Variants in CSGALNACT1 observed in about 807,000 individuals in gnomAD.
CSGALNACT1 encodes chondroitin sulfate N-acetylgalactosaminyltransferase 1, also known as beta4GalNAcT-1.
CSGALNACT1 carries 52 observed loss-of-function variants against 51.0 expected under a neutral mutation model. The ratio of observed to expected loss-of-function variants is 1.02; its 90% CI spans 0.82 to 1.29. The LOEUF (loss-of-function observed/expected upper bound fraction) is 1.29. Ranked by LOEUF, CSGALNACT1 falls within the 50% of genes most tolerant of loss-of-function variation. The pLI is 0.00. For synonymous variants in CSGALNACT1, 341 were observed against 254.4 expected, an observed-to-expected ratio of 1.34 and a Z score of -3.24; for missense variants, 935 against 679.2, an observed-to-expected ratio of 1.38 and a Z score of -4.19.
At chr8:19,452,010 T>C (rs1214195262) in intron 5 of CSGALNACT1, among the ~76,000 whole-genome samples, 1 of 152,172 alleles carries the variant, frequency 6.6e-6, no homozygotes, top group Non-Finnish European at 1.5e-5. Context: ...TAATCTGAAA[T>C]AGCAATCATT....
intron 3 of CSGALNACT1, among the ~76,000 whole-genome samples, chr8:19,515,555 A>C (rs1247975269): frequency 6.6e-6 from 1 of 152,186 alleles, no homozygotes. Flanking sequence ...GTAAATCAAA[A>C]AAATAAATAA....
At chr8:19,718,079 A>G (rs2062914600) in intron 1 of CSGALNACT1, among the ~76,000 whole-genome samples, 1 of 152,054 alleles carries the variant, frequency 6.6e-6, no homozygotes, top group African/African-American at 2.4e-5. Flanking sequence ...TATGATACCT[A>G]AAAGGTCCAA....
intron 4 of CSGALNACT1, among the ~76,000 whole-genome samples, chr8:19,501,057 C>A: frequency 6.6e-6 from 1 of 151,672 alleles, no homozygotes; most frequent in East Asian, 1.9e-4. Context: ...CGAGACCAGC[C>A]TGGCCAACAT....
chr8:19,530,349 T>C (rs1587905650), intron 3 of CSGALNACT1, among the ~76,000 whole-genome samples: 1 of 151,620 alleles, frequency 6.6e-6, no homozygotes, highest in East Asian at 1.9e-4. Flanking sequence ...CGCACACAAG[T>C]ACTGACTGTA....
intron 1 of CSGALNACT1, among the ~76,000 whole-genome samples, chr8:19,750,893 G>A (rs1321122970): frequency 6.6e-6 from 1 of 152,112 alleles, no homozygotes; most frequent in Non-Finnish European, 1.5e-5. Context: ...TAACATGCCT[G>A]CCAAACACCT....
At chr8:19,405,629 C>G (rs764623053) in exon 10 of CSGALNACT1, 1 of 1,031,610 alleles carries the variant, frequency 9.7e-7, no homozygotes, top group African/African-American at 1.6e-5. Context: ...TTGTAAAAAG[C>G]CCAACAGAGA....
At chr8:19,558,437 C>T (rs1240528504) in intron 3 of CSGALNACT1, among the ~76,000 whole-genome samples, 1 of 152,032 alleles carries the variant, frequency 6.6e-6, no homozygotes, top group Non-Finnish European at 1.5e-5. Flanking sequence ...TTTAAGGGTC[C>T]CTATAGTTGA....
chr8:19,642,728 A>G (rs926415196), intron 1 of CSGALNACT1, among the ~76,000 whole-genome samples: 1 of 151,632 alleles, frequency 6.6e-6, no homozygotes, highest in African/African-American at 2.4e-5. Flanking sequence ...TGAGGGTGCA[A>G]TGAGCTGCTG....
intron 3 of CSGALNACT1, among the ~76,000 whole-genome samples, chr8:19,535,277 C>A (rs1214294923): frequency 6.6e-6 from 1 of 152,094 alleles, no homozygotes; most frequent in South Asian, 2.1e-4. Context: ...AAAATTTCAG[C>A]GTGTTCTTCT....
At chr8:19,435,220 C>G (rs140459259) in intron 6 of CSGALNACT1, among the ~76,000 whole-genome samples, 11 of 152,106 alleles carry the variant, frequency 7.2e-5, no homozygotes, top group Admixed American at 2.6e-4. Context: ...TTTGGCCAGG[C>G]GCGGTTGCTC....
At chr8:19,452,180 C>A (rs1282973857) in intron 5 of CSGALNACT1, among the ~76,000 whole-genome samples, 1 of 152,312 alleles carries the variant, frequency 6.6e-6, no homozygotes. Context: ...CCTGGCCCCA[C>A]TGACCGCCTC....
intron 8 of CSGALNACT1, 33 bp from the exon 8 acceptor site, chr8:19,408,727 G>C (rs766813731): frequency 6.3e-7 from 1 of 1,597,288 alleles, no homozygotes. Flanking sequence ...TGAGGGGAAA[G>C]TTTAGGGTGG....
chr8:19,682,321 A>C (rs2060679734), intron 1 of CSGALNACT1, among the ~76,000 whole-genome samples: 1 of 152,080 alleles, frequency 6.6e-6, no homozygotes, highest in Non-Finnish European at 1.5e-5. Flanking sequence ...CAGAAGGTCT[A>C]ATCAGAGTGT....
intron 3 of CSGALNACT1, among the ~76,000 whole-genome samples, chr8:19,524,953 A>G (rs936755693): frequency 6.6e-6 from 1 of 152,224 alleles, no homozygotes; most frequent in African/African-American, 2.4e-5. Flanking sequence ...CATCCCCACT[A>G]CAGACACTTG....
intron 1 of CSGALNACT1, among the ~76,000 whole-genome samples, chr8:19,720,196 G>T (rs946474942): frequency 3.3e-5 from 5 of 152,166 alleles, no homozygotes; most frequent in African/African-American, 9.7e-5. Flanking sequence ...GTGAAACCCC[G>T]CAATTCATGC....
rs1283341919 is a variant in CSGALNACT1 at position 19,530,993 on chromosome 8, T to C, written c.-296-24863A>G. Among the ~76,000 whole-genome samples the C allele has an allele frequency of 2.0e-5, 3 of 152,222 alleles. No homozygotes were observed. In the East Asian group the frequency reaches 5.8e-4, roughly 29 times the overall value. On this transcript the variant is annotated intron_variant, in intron 3 of 9. Transcript: ENST00000454498. Reference sequence around the variant, plus strand: ...CTGTCATCAGTCAATCAGTATCAGCTGATCTTCAAGCCTGACACTTCAAGT... The same window carrying C: ...CTGTCATCAGTCAATCAGTATCAGCCGATCTTCAAGCCTGACACTTCAAGT...
At chr8:19,452,974 G>C (rs1253790885) in intron 5 of CSGALNACT1, among the ~76,000 whole-genome samples, 3 of 152,192 alleles carry the variant, frequency 2.0e-5, no homozygotes, top group Non-Finnish European at 4.4e-5. Flanking sequence ...ACAATTCTCA[G>C]TCAAGATGAG....
intron 3 of CSGALNACT1, among the ~76,000 whole-genome samples, chr8:19,521,492 G>A (rs1367031927): frequency 6.6e-6 from 1 of 152,136 alleles, no homozygotes; most frequent in Non-Finnish European, 1.5e-5. Context: ...AGAACAGCCT[G>A]GCCAACATGG....
chr8:19,567,117 C>G (rs891654593), intron 3 of CSGALNACT1, among the ~76,000 whole-genome samples: 2 of 152,210 alleles, frequency 1.3e-5, no homozygotes, highest in Non-Finnish European at 2.9e-5. Context: ...AAAACACAGG[C>G]TTAGGGCACA....
Sources: gnomAD v4.1 joint callset for allele counts (sites outside exome capture counted in the v4.1 genomes callset) on GRCh38, gnomAD v4.1.1 for gene constraint, MANE v1.5 for transcripts, NCBI Gene and HGNC (gene_info 2026-07-23, HGNC 2026-07-21) for gene names.